The following SLC25A48 variants were observed in gnomAD, a reference collection of about 807,000 sequenced individuals.
SLC25A48 encodes solute carrier family 25 member 48.
In SLC25A48, 29 loss-of-function variants were observed where a neutral mutation model predicts 32.2. The observed-to-expected ratio is 0.90, with a 90% CI of 0.67 to 1.23. The LOEUF (loss-of-function observed/expected upper bound fraction) is 1.23. SLC25A48 is among the 50% of genes most tolerant of loss of function. The pLI is 0.00. For synonymous variants in SLC25A48, 164 were observed against 172.3 expected (o/e 0.95, Z 0.38); for missense variants, 399 against 422.7 (o/e 0.94, Z 0.49).
At chr5:135,736,745 A>G (rs1755369919) in intron 3 of SLC25A48, among the ~76,000 whole-genome samples, 1 of 152,208 alleles carries the variant, frequency 6.6e-6, no homozygotes, top group African/African-American at 2.4e-5. Flanking sequence ...CCAAGGGAAG[A>G]CTGTCTTCCC....
At chr5:135,731,012 T>C (rs1002287533) in intron 3 of SLC25A48, among the ~76,000 whole-genome samples, 1 of 152,194 alleles carries the variant, frequency 6.6e-6, no homozygotes, top group Non-Finnish European at 1.5e-5. Flanking sequence ...CTCATGTCCA[T>C]GTGAAGAGAC....
At chr5:135,748,429 C>G (rs1391573101) in intron 3 of SLC25A48, among the ~76,000 whole-genome samples, 1 of 151,924 alleles carries the variant, frequency 6.6e-6, no homozygotes, top group African/African-American at 2.4e-5. Flanking sequence ...CCTGCCACCA[C>G]GCCTAGCTAA....
At chr5:135,773,873 A>T (rs1229566483) in intron 3 of SLC25A48, among the ~76,000 whole-genome samples, 5 of 151,252 alleles carry the variant, frequency 3.3e-5, no homozygotes, top group Non-Finnish European at 7.4e-5. Context: ...TATCACAGGG[A>T]CTGTACACCA....
intron 3 of SLC25A48, among the ~76,000 whole-genome samples, chr5:135,703,711 A>C (rs754758067): frequency 6.6e-6 from 1 of 152,138 alleles, no homozygotes; most frequent in African/African-American, 2.4e-5. Flanking sequence ...GACACCACAC[A>C]GTAACTTGTT....
chr5:135,606,593 C>T (rs1751938013), intron 1 of SLC25A48, among the ~76,000 whole-genome samples: 1 of 152,152 alleles, frequency 6.6e-6, no homozygotes. Context: ...GGCTTGGCTA[C>T]AGGTCCCTGT....
At chr5:135,583,319 T>C (rs1050699136) in intron 1 of SLC25A48, among the ~76,000 whole-genome samples, 1 of 152,002 alleles carries the variant, frequency 6.6e-6, no homozygotes, top group Non-Finnish European at 1.5e-5. Context: ...AACAGGAGTG[T>C]GACTTTCCAG....
At chr5:135,862,148 T>C (rs1249990371) in intron 4 of SLC25A48, among the ~76,000 whole-genome samples, 1 of 152,260 alleles carries the variant, frequency 6.6e-6, no homozygotes, top group African/African-American at 2.4e-5. Flanking sequence ...GGTGGCCTGT[T>C]GAGCCTGAGC....
intron 3 of SLC25A48, among the ~76,000 whole-genome samples, chr5:135,805,961 A>G (rs544676702): frequency 1.3e-4 from 20 of 151,708 alleles, no homozygotes; most frequent in Admixed American, 5.3e-4. Context: ...ATCCTGTGAT[A>G]TTATTTGTAA....
chr5:135,877,844 G>A (rs923918789), intron 6 of SLC25A48, among the ~76,000 whole-genome samples: 2 of 152,156 alleles, frequency 1.3e-5, no homozygotes, highest in African/African-American at 4.8e-5. Context: ...GACACTGCCA[G>A]GCTGCAAGCC....
intron 3 of SLC25A48, among the ~76,000 whole-genome samples, chr5:135,759,700 C>A (rs1037541927): frequency 1.3e-5 from 2 of 152,306 alleles, no homozygotes; most frequent in Non-Finnish European, 2.9e-5. Flanking sequence ...TCCTTTGAAT[C>A]TAGTACTCTC....
intron 3 of SLC25A48, among the ~76,000 whole-genome samples, chr5:135,791,332 A>G (rs1757026702): frequency 6.6e-6 from 1 of 151,518 alleles, no homozygotes; most frequent in Non-Finnish European, 1.5e-5. Context: ...GTGATCTATA[A>G]CTTGTGATAT....
intron 3 of SLC25A48, among the ~76,000 whole-genome samples, chr5:135,744,678 A>G (rs982381618): frequency 3.3e-5 from 5 of 152,148 alleles, no homozygotes; most frequent in African/African-American, 7.2e-5. Flanking sequence ...CAGAGAGGTT[A>G]TGACTATTGC....
intron 4 of SLC25A48, among the ~76,000 whole-genome samples, chr5:135,820,201 G>A (rs933603902): frequency 1.3e-4 from 20 of 152,234 alleles, no homozygotes; most frequent in African/African-American, 1.9e-4. Context: ...ATTGTGTTAC[G>A]CCACATAACA....
At chr5:135,637,563 G>A (rs1401325950) in intron 3 of SLC25A48, among the ~76,000 whole-genome samples, 3 of 152,166 alleles carry the variant, frequency 2.0e-5, no homozygotes. Context: ...TCAAGATGAG[G>A]AGTATAGCAA....
chr5:135,719,109 T>C (rs1055362401), intron 3 of SLC25A48, among the ~76,000 whole-genome samples: 3 of 152,234 alleles, frequency 2.0e-5, no homozygotes, highest in African/African-American at 7.2e-5. Flanking sequence ...TTCTCTGTGT[T>C]ATTCCTTACA....
intron 3 of SLC25A48, among the ~76,000 whole-genome samples, chr5:135,654,155 A>G (rs576219931): frequency 6.6e-6 from 1 of 152,206 alleles, no homozygotes; most frequent in Non-Finnish European, 1.5e-5. Flanking sequence ...AGTACGGGTT[A>G]CTAGGTACAA....
chr5:135,678,884 A>G (rs1954729960), intron 3 of SLC25A48, among the ~76,000 whole-genome samples: 1 of 152,134 alleles, frequency 6.6e-6, no homozygotes, highest in East Asian at 1.9e-4. Flanking sequence ...GGGGACAAGG[A>G]CATAGGGTGG....
chr5:135,606,091 A>T (rs1751927360), intron 1 of SLC25A48, among the ~76,000 whole-genome samples: 1 of 152,150 alleles, frequency 6.6e-6, no homozygotes, highest in Admixed American at 6.5e-5. Flanking sequence ...TGGCTAAAAA[A>T]TCCTGAGACT....
At chr5:135,811,035 G>A (rs1487755866) in intron 3 of SLC25A48, among the ~76,000 whole-genome samples, 1 of 152,194 alleles carries the variant, frequency 6.6e-6, no homozygotes, top group Non-Finnish European at 1.5e-5. Context: ...GGGGAACTCG[G>A]GACTTCTTGC....
Sources: allele counts gnomAD v4.1 joint callset (sites outside exome capture counted in the v4.1 genomes callset), GRCh38; gene constraint gnomAD v4.1.1; transcripts MANE v1.5; gene names NCBI Gene and HGNC (gene_info 2026-07-23, HGNC 2026-07-21).